Variants in AHSA1 observed in about 807,000 individuals in gnomAD.
The protein encoded by AHSA1 is activator of HSP90 ATPase activity 1.
In AHSA1, 14 loss-of-function variants were observed where a neutral mutation model predicts 46.1. The observed-to-expected ratio is 0.30, with a 90% CI of 0.20 to 0.47. The LOEUF is 0.47. Ranked by LOEUF, AHSA1 falls within the 20% of genes least tolerant of loss-of-function variation. The pLI is 0.99. For synonymous variants in AHSA1, 147 were observed against 145.8 expected (o/e 1.01, Z -0.06); for missense variants, 333 against 415.9 (o/e 0.80, Z 1.73).
chr14:77,465,785 A>T, intron 6 of AHSA1, 118 bp downstream of exon 6: 1 of 1,038,386 alleles, frequency 9.6e-7, no homozygotes, highest in Non-Finnish European at 1.3e-6. Flanking sequence ...AACTGGAGCC[A>T]TGAGGCCTTC....
At chr14:77,461,039 G>A (rs569350448) in intron 2 of AHSA1, among the ~76,000 whole-genome samples, 16 of 151,774 alleles carry the variant, frequency 1.1e-4, no homozygotes, top group South Asian at 8.4e-4. Flanking sequence ...TGTGCCTGTA[G>A]TCCCAGCTAC....
At chr14:77,468,562 ATTTTTTTTTT>A in intron 8 of AHSA1, 54 bp downstream of exon 8, 3 of 1,090,630 alleles carry the variant, frequency 2.8e-6, no homozygotes, top group Non-Finnish European at 3.9e-6. Context: ...CTTTGCTGTA[ATTTTTTTTTT>A]TTTTTTTTTG....
chr14:77,460,574 T>C (rs2079017728), intron 2 of AHSA1, among the ~76,000 whole-genome samples: 1 of 1,120 alleles, frequency 8.9e-4, no homozygotes, highest in Non-Finnish European at 0.012. Context: ...CAGACCTCCT[T>C]TTTTTTTTTT....
chr14:77,465,526 G>T lies in AHSA1; in HGVS notation c.562-13G>T, dbSNP rs764310152. On this transcript the variant is annotated splice_polypyrimidine_tract_variant and intron_variant, in intron 5 of 8. Transcript: ENST00000216479. ...TTACTCTGTATTGATCATTTTCACT[G>T]CCACCTTCACAGGCTAAGCCTGCTC... 6.8e-6 allele frequency: 11 copies of T among 1,612,612 alleles called. No homozygotes were observed. The South Asian group carries it at 1.2e-4, about 18-fold the overall frequency.
upstream of AHSA1, chr14:77,458,079 T>A: frequency 1.1e-6 from 1 of 940,182 alleles, no homozygotes; most frequent in Non-Finnish European, 1.5e-6. Flanking sequence ...CAGGAGGTGC[T>A]TGCGGCCGCT....
At chr14:77,468,739 T>TTTAC in intron 8 of AHSA1, 2 of 476,122 alleles carry the variant, frequency 4.2e-6, no homozygotes, top group South Asian at 3.0e-5. Context: ...TTTTTTTTTT[T>TTTAC]TTTTTTACTT....
intron 8 of AHSA1, chr14:77,468,875 C>G: frequency 1.6e-6 from 1 of 641,222 alleles, no homozygotes; most frequent in South Asian, 1.9e-5. Context: ...TGCCACCACG[C>G]CCACGTAATT....
chr14:77,461,558 GT>G (rs534414012), intron 2 of AHSA1, among the ~76,000 whole-genome samples: 53 of 152,256 alleles, frequency 3.5e-4, no homozygotes, highest in Non-Finnish European at 7.1e-4. Flanking sequence ...CATCAGAAGG[GT>G]TGCAGCTTGA....
At chr14:77,463,262 A>G (rs555449806) in intron 4 of AHSA1, among the ~76,000 whole-genome samples, 40 of 152,036 alleles carry the variant, frequency 2.6e-4, no homozygotes, top group African/African-American at 9.2e-4. Context: ...AGCCTGGATG[A>G]CCAAAAAACA....
intron 8 of AHSA1, chr14:77,468,874 G>T: frequency 3.1e-6 from 2 of 639,052 alleles, no homozygotes; most frequent in Non-Finnish European, 5.5e-6. Flanking sequence ...ATGCCACCAC[G>T]CCCACGTAAT....
intron 6 of AHSA1, among the ~76,000 whole-genome samples, chr14:77,466,623 G>A (rs553492966): frequency 6.6e-6 from 1 of 152,360 alleles, no homozygotes; most frequent in East Asian, 1.9e-4. Flanking sequence ...ATACTCTCGT[G>A]ATAAGTTCTC....
At chr14:77,465,079 A>G (rs1456993744) in intron 5 of AHSA1, among the ~76,000 whole-genome samples, 1 of 152,078 alleles carries the variant, frequency 6.6e-6, no homozygotes, top group Non-Finnish European at 1.5e-5. Flanking sequence ...TCTTCACCCA[A>G]TCTCCCCAAT....
intron 4 of AHSA1, 149 bp downstream of exon 4, chr14:77,462,908 G>A (rs1039061537): frequency 6.1e-6 from 4 of 656,738 alleles, no homozygotes; most frequent in East Asian, 2.8e-5. Context: ...CCATAAGCTC[G>A]GAGTAAGGGA....
In AHSA1 at chr14:77,462,153, T is replaced by C. The variant is rs764083606; in HGVS notation, c.272-7T>C. ...GTGGACTAATGACATTGCATTGGTTTTGACAGGTACTTCTAAGTCAGGAGT... is the reference window on the plus strand; with the variant it reads ...GTGGACTAATGACATTGCATTGGTTCTGACAGGTACTTCTAAGTCAGGAGT... On this transcript the variant is annotated splice_region_variant and splice_polypyrimidine_tract_variant and intron_variant, in intron 2 of 8. Transcript: ENST00000216479. 3.1e-5 allele frequency: 49 copies of C among 1,604,348 alleles called. No homozygotes were observed. The highest frequency in any genetic ancestry group is 3.9e-5 in the Non-Finnish European group (46 of 1,171,174).
rs150175578 is a variant in AHSA1 at position 77,468,049 on chromosome 14, C to CTTTTTTTTTTTTTTTT, written c.691-33_691-32insTTTTTTTTTTTTTTTT. The CTTTTTTTTTTTTTTTT allele has an allele frequency of 1.5e-5, 11 of 723,822 alleles. 4 individuals are homozygous for CTTTTTTTTTTTTTTTT. Among genetic ancestry groups the CTTTTTTTTTTTTTTTT allele is most frequent in the Middle Eastern group, 3.3e-4 (1 of 3,000 alleles). 44.8% of individuals were successfully genotyped at this position (723,822 alleles called of 1,614,324 possible). A position where few individuals can be genotyped will look rare whatever the true frequency, so the allele number is the denominator to read the frequency against. On this transcript the variant is annotated intron_variant, in intron 6 of 8. Coordinates refer to ENST00000216479, the MANE Select transcript of AHSA1 (RefSeq NM_012111.3). ...CCACTGAAAGCCATGTATCTTCTGC[C>CTTTTTTTTTTTTTTTT]TCTTTTTTTTTTTTTTTTTTTTTTT...
chr14:77,465,562 C>G lies in AHSA1; in HGVS notation c.585C>G (p.Thr195=). Residue 195 remains threonine (T), a synonymous_variant, in exon 6 of 9, where the codon ACC becomes ACG. Transcript: ENST00000216479. Reference sequence around the variant, plus strand: ...AGGCTAAGCCTGCTCCTTCAAAAACCCAGGCCAGACCTGTTGGAGTCAAAA... The same window carrying G: ...AGGCTAAGCCTGCTCCTTCAAAAACGCAGGCCAGACCTGTTGGAGTCAAAA... The part of the protein sequence containing the change: ...ERKAKPAPSK[T]QARPVGVKIP... The G allele has an allele frequency of 6.2e-7, 1 of 1,613,984 alleles. No homozygotes were observed. The highest frequency in any genetic ancestry group is 1.7e-5 in the Admixed American group (1 of 60,020).
At chr14:77,459,467 CAT>C in intron 1 of AHSA1, 147 bp from the exon 2 acceptor site, 1 of 697,660 alleles carries the variant, frequency 1.4e-6, no homozygotes, top group Non-Finnish European at 2.4e-6. Context: ...AAAAGAATGA[CAT>C]GTTTGTGGAC....
At position 77,464,583 on chromosome 14, in the gene AHSA1, A is replaced by G; in HGVS notation, c.473-15A>G. On this transcript the variant is annotated splice_polypyrimidine_tract_variant and intron_variant, in intron 4 of 8. Transcript: ENST00000216479. Reference sequence around the variant, plus strand: ...TAAGAAGTAACTTCCATGAGCTGGAATTTTATCTTTTCAGAGTTCACCCAG... The same window carrying G: ...TAAGAAGTAACTTCCATGAGCTGGAGTTTTATCTTTTCAGAGTTCACCCAG... 1 of 1,607,034 alleles carries G rather than the reference A, an allele frequency of 6.2e-7. No individual in the cohort carries two copies. Among genetic ancestry groups the G allele is most frequent in the Middle Eastern group, 1.7e-4 (1 of 6,030 alleles).
intron 2 of AHSA1, among the ~76,000 whole-genome samples, chr14:77,461,384 G>T (rs1014562342): frequency 1.3e-5 from 2 of 152,044 alleles, no homozygotes; most frequent in African/African-American, 4.8e-5. Flanking sequence ...ACAAAAATTA[G>T]CCGTGTGTAG....
Sources: allele counts gnomAD v4.1 joint callset (sites outside exome capture counted in the v4.1 genomes callset), GRCh38; gene constraint gnomAD v4.1.1; transcripts MANE v1.5; gene names NCBI Gene and HGNC (gene_info 2026-07-23, HGNC 2026-07-21).